The following CLVS1 variants were observed in gnomAD, a reference collection of about 807,000 sequenced individuals.
CLVS1 encodes clavesin-1.
Under a neutral mutation model 33.1 loss-of-function variants are expected in CLVS1, and 10 were observed. The ratio of observed to expected loss-of-function variants is 0.30; its 90% CI spans 0.19 to 0.51. The LOEUF is 0.51. CLVS1 is among the 20% of genes least tolerant of loss of function. CLVS1 has a pLI of 0.97. For missense variants in CLVS1, 343 were observed against 433.4 expected (o/e 0.79, Z 1.85); for synonymous variants, 163 against 166.1 (o/e 0.98, Z 0.14).
At chr8:61,352,767 T>G (rs762302947) in intron 2 of CLVS1, among the ~76,000 whole-genome samples, 1 of 151,798 alleles carries the variant, frequency 6.6e-6, no homozygotes, top group Non-Finnish European at 1.5e-5. Flanking sequence ...CAAAAACATT[T>G]GAACAAAAAA....
At chr8:61,360,645 A>G (rs1585858728) in intron 2 of CLVS1, among the ~76,000 whole-genome samples, 2 of 152,142 alleles carry the variant, frequency 1.3e-5, no homozygotes, top group East Asian at 3.9e-4. Context: ...GATTAGTCTG[A>G]AGTTTTTGTT....
chr8:61,177,710 AG>A (rs2129299795), intron 2 of CLVS1, among the ~76,000 whole-genome samples: 2 of 152,208 alleles, frequency 1.3e-5, no homozygotes, highest in South Asian at 4.2e-4. Context: ...TAGGGACAGA[AG>A]GGAACCCCTA....
chr8:61,360,848 T>A (rs1008979590), intron 2 of CLVS1, among the ~76,000 whole-genome samples: 10 of 152,218 alleles, frequency 6.6e-5, no homozygotes, highest in African/African-American at 2.4e-4. Context: ...TAAGAGATGT[T>A]GTATTAGTCC....
chr8:61,222,763 A>C (rs1808244522), intron 2 of CLVS1, among the ~76,000 whole-genome samples: 1 of 152,114 alleles, frequency 6.6e-6, no homozygotes, highest in African/African-American at 2.4e-5. Flanking sequence ...TCTGTCTAAT[A>C]CTGACAGTGG....
the CLVS1 span, among the ~76,000 whole-genome samples, chr8:60,989,562 G>T: frequency 6.6e-6 from 1 of 152,168 alleles, no homozygotes; most frequent in Non-Finnish European, 1.5e-5. Flanking sequence ...GACCCCTGAA[G>T]CTATGTGCTA....
chr8:61,097,248 C>A (rs1452238940), intron 1 of CLVS1, among the ~76,000 whole-genome samples: 2 of 151,544 alleles, frequency 1.3e-5, no homozygotes, highest in Admixed American at 1.3e-4. Flanking sequence ...GCCGAGATCG[C>A]ACCACTGCTC....
At chr8:61,469,578 G>T (rs1817667125) in intron 5 of CLVS1, among the ~76,000 whole-genome samples, 2 of 152,182 alleles carry the variant, frequency 1.3e-5, no homozygotes, top group African/African-American at 4.8e-5. Context: ...CTGTGACCTT[G>T]GTGATCTTTG....
chr8:61,290,191 C>G (rs1809934995), intron 1 of CLVS1, among the ~76,000 whole-genome samples: 1 of 152,190 alleles, frequency 6.6e-6, no homozygotes, highest in South Asian at 2.1e-4. Flanking sequence ...CTGCTTAATA[C>G]AATCTCCTGG....
At chr8:61,143,622 G>A (rs1230348810) in intron 2 of CLVS1, among the ~76,000 whole-genome samples, 1 of 151,644 alleles carries the variant, frequency 6.6e-6, no homozygotes, top group Non-Finnish European at 1.5e-5. Flanking sequence ...TGAGCAGCCT[G>A]CCCTGAATTC....
chr8:61,405,241 T>G (rs1341810498), intron 3 of CLVS1, among the ~76,000 whole-genome samples: 1 of 152,220 alleles, frequency 6.6e-6, no homozygotes, highest in Non-Finnish European at 1.5e-5. Flanking sequence ...TTTCTTAAAG[T>G]AACTGGGTCA....
At chr8:61,061,430 T>C (rs1160579726) in intron 1 of CLVS1, among the ~76,000 whole-genome samples, 1 of 152,210 alleles carries the variant, frequency 6.6e-6, no homozygotes, top group South Asian at 2.1e-4. Context: ...CCATCAGCTG[T>C]ATTGCTTCCT....
At chr8:61,250,713 CTGTT>C (rs1300883255) in intron 2 of CLVS1, among the ~76,000 whole-genome samples, 1 of 152,086 alleles carries the variant, frequency 6.6e-6, no homozygotes, top group Non-Finnish European at 1.5e-5. Context: ...ATTTGGCTCT[CTGTT>C]TGTCTGTTAT....
chr8:61,333,401 A>C (rs1811672235), intron 2 of CLVS1, among the ~76,000 whole-genome samples: 1 of 152,232 alleles, frequency 6.6e-6, no homozygotes, highest in Non-Finnish European at 1.5e-5. Context: ...CAAGAATAGT[A>C]GAGGATGTGA....
chr8:61,279,252 C>G (rs985043285), intron 2 of CLVS1, among the ~76,000 whole-genome samples: 5 of 152,194 alleles, frequency 3.3e-5, no homozygotes, highest in Non-Finnish European at 1.5e-5. Context: ...CATCCCAGCT[C>G]CAGCTTCCCA....
chr8:61,287,192 T>C (rs756386486), upstream of CLVS1, among the ~76,000 whole-genome samples: 4 of 152,184 alleles, frequency 2.6e-5, no homozygotes, highest in Non-Finnish European at 5.9e-5. Flanking sequence ...ATATAAGACA[T>C]GCATATTTAA....
upstream of CLVS1, among the ~76,000 whole-genome samples, chr8:61,285,438 C>G (rs1045760685): frequency 2.0e-5 from 3 of 152,180 alleles, no homozygotes; most frequent in Non-Finnish European, 4.4e-5. Flanking sequence ...TTTGCACACT[C>G]TGCTTGACCT....
At chr8:61,066,587 C>T (rs1327285862) in intron 1 of CLVS1, among the ~76,000 whole-genome samples, 1 of 152,168 alleles carries the variant, frequency 6.6e-6, no homozygotes, top group Non-Finnish European at 1.5e-5. Context: ...CTTCTCTACC[C>T]CACCTCCTCC....
Position 61,219,849 on chromosome 8 carries a change from C to T in CLVS1, c.-151-79828C>T, listed in dbSNP as rs1380867593. ...TTTTAATAATCGTCATTCTGACTCACGTGAGATGGTATCTCATTGTGGTTT... is the reference window on the plus strand; with the variant it reads ...TTTTAATAATCGTCATTCTGACTCATGTGAGATGGTATCTCATTGTGGTTT... On this transcript the variant is annotated intron_variant, in intron 2 of 2. Coordinates refer to the CLVS1 transcript ENST00000522621. Among the ~76,000 whole-genome samples, 6 of 152,080 alleles carry T rather than the reference C, an allele frequency of 3.9e-5. No individual in the cohort carries two copies. In the East Asian group the frequency reaches 5.8e-4, roughly 15 times the overall value.
chr8:61,308,966 G>C (rs907016845), intron 2 of CLVS1, among the ~76,000 whole-genome samples: 8 of 152,218 alleles, frequency 5.3e-5, no homozygotes, highest in African/African-American at 2.4e-5. Flanking sequence ...ATGCTGTTAA[G>C]TGGCAAAGTA....
Sources: allele counts gnomAD v4.1 joint callset (sites outside exome capture counted in the v4.1 genomes callset), GRCh38; gene constraint gnomAD v4.1.1; transcripts MANE v1.5; gene names NCBI Gene and HGNC (gene_info 2026-07-23, HGNC 2026-07-21).